MTMR7: variants seen among roughly 807,000 people sequenced by gnomAD.
MTMR7 encodes the protein myotubularin related protein 7, also known as phosphatidylinositol-3-phosphate phosphatase MTMR7.
MTMR7 carries 76 observed loss-of-function variants against 81.2 expected under a neutral mutation model. That is an observed-to-expected ratio of 0.94 (90% CI 0.78 to 1.13). MTMR7 has a LOEUF of 1.13. Among genes scored for constraint, MTMR7 ranks in the 50% most tolerant of loss-of-function variants. The probability of loss-of-function intolerance (pLI) is 0.00; values close to 1 mark genes in which losing one functional copy is unlikely to be tolerated. For missense variants in MTMR7, 1,044 were observed against 820.0 expected, an observed-to-expected ratio of 1.27 and a Z score of -3.34; for synonymous variants, 372 against 289.8, an observed-to-expected ratio of 1.28 and a Z score of -2.88.
intron 2 of MTMR7, chr8:17,372,892 T>G (rs1276285759): frequency 4.3e-6 from 2 of 470,016 alleles, no homozygotes; most frequent in Non-Finnish European, 7.6e-6. Context: ...TGGCTAGTTC[T>G]AAGTCTCTCT....
intron 1 of MTMR7, among the ~76,000 whole-genome samples, chr8:17,409,572 T>C (rs1354309941): frequency 6.6e-6 from 1 of 152,166 alleles, no homozygotes; most frequent in Non-Finnish European, 1.5e-5. Flanking sequence ...CTGTGTTAGG[T>C]GCTATAGATA....
intron 4 of MTMR7, among the ~76,000 whole-genome samples, chr8:17,357,985 A>G (rs1423308075): frequency 1.3e-5 from 2 of 152,204 alleles, no homozygotes. Context: ...AGGAAAAGCA[A>G]TAGGGTATAT....
intron 6 of MTMR7, among the ~76,000 whole-genome samples, chr8:17,340,792 C>A (rs73557520): frequency 6.6e-6 from 1 of 152,192 alleles, no homozygotes; most frequent in Non-Finnish European, 1.5e-5. Context: ...GCAAATCCTA[C>A]TCCCTTCTCC....
Position 17,299,879 on chromosome 8 carries a change from C to T in MTMR7, c.1966G>A (p.Val656Met), listed in dbSNP as rs370812641. 1.2e-5 allele frequency: 20 copies of T among 1,613,894 alleles called. No homozygotes were observed. The highest frequency in any genetic ancestry group is 5.3e-5 in the African/African-American group (4 of 74,906). ...SGKDRDSDEAVFLTA is the reference protein window; with the variant it reads ...SGKDRDSDEAMFLTA ...GGGAAACTTCAGGCAGTGAGAAACA[C>T]GGCTTCATCAGAATCCCGGTCCTTG... Residue 656 changes from valine (V) to methionine (M), a missense_variant, in exon 14 of 14, where the codon GTG (valine) becomes ATG (methionine). Transcript: ENST00000180173.
At chr8:17,336,764 T>C (rs1352196304) in intron 6 of MTMR7, among the ~76,000 whole-genome samples, 1 of 152,140 alleles carries the variant, frequency 6.6e-6, no homozygotes, top group Admixed American at 6.5e-5. Context: ...CCGCTGGCCC[T>C]GGCTGCGTCA....
rs1280324134 is a variant in MTMR7 at position 17,299,129 on chromosome 8, T to A, written c.*733A>T. On this transcript the variant is annotated 3_prime_UTR_variant, in exon 14 of 14. Coordinates refer to ENST00000180173, the MANE Select transcript of MTMR7 (RefSeq NM_004686.5). Reference sequence around the variant, plus strand: ...GAAAGCTGATACTTAAATTCATATGTAAGACCAGGAGAATGAATGTTGCTT... The same window carrying A: ...GAAAGCTGATACTTAAATTCATATGAAAGACCAGGAGAATGAATGTTGCTT... 2.0e-5 allele frequency: 3 copies of A among 152,194 alleles called. No individual in the cohort carries two copies. The highest frequency in any genetic ancestry group is 4.4e-5 in the Non-Finnish European group (3 of 68,038). 9.4% of individuals were successfully genotyped at this position (152,194 alleles called of 1,614,324 possible).
At chr8:17,393,382 T>C (rs959482516) in intron 1 of MTMR7, among the ~76,000 whole-genome samples, 4 of 152,096 alleles carry the variant, frequency 2.6e-5, no homozygotes, top group African/African-American at 9.7e-5. Flanking sequence ...AATAGATAAA[T>C]TGTACTTCAT....
intron 5 of MTMR7, among the ~76,000 whole-genome samples, chr8:17,343,712 T>C (rs1470462013): frequency 6.6e-6 from 1 of 152,246 alleles, no homozygotes; most frequent in Non-Finnish European, 1.5e-5. Flanking sequence ...ACACGCATAT[T>C]AAACAGACTA....
At chr8:17,401,948 A>G (rs1408136207) in intron 1 of MTMR7, among the ~76,000 whole-genome samples, 1 of 152,196 alleles carries the variant, frequency 6.6e-6, no homozygotes, top group African/African-American at 2.4e-5. Context: ...GGAACTATGG[A>G]ATGACAATAC....
At position 17,410,632 on chromosome 8, in the gene MTMR7, C is replaced by T. The variant is rs113986785; in HGVS notation, c.24+2637G>A. On this transcript the variant is annotated intron_variant, in intron 1 of 13. Transcript: ENST00000180173. ...ACCATTCTGGAAGGGAAGCACTCTG[C>T]TTAGCATATGCTCTGTTAAAGGCTT... Among the ~76,000 whole-genome samples, 1,096 of 152,264 alleles carry T rather than the reference C, an allele frequency of 7.2e-3. 20 individuals are homozygous for T. The highest frequency in any genetic ancestry group is 0.025 in the African/African-American group (1,031 of 41,536).
At chr8:17,320,866 G>C (rs1218719815) in intron 7 of MTMR7, among the ~76,000 whole-genome samples, 1 of 152,188 alleles carries the variant, frequency 6.6e-6, no homozygotes, top group Non-Finnish European at 1.5e-5. Context: ...CTGCTGTTTG[G>C]GCTTTCTGTC....
At chr8:17,336,078 C>T (rs975728585) in intron 6 of MTMR7, among the ~76,000 whole-genome samples, 7 of 152,148 alleles carry the variant, frequency 4.6e-5, no homozygotes, top group African/African-American at 1.7e-4. Flanking sequence ...AGTTGGTCAC[C>T]ACTTCCCTCT....
chr8:17,398,424 A>C (rs1241825930), intron 1 of MTMR7, among the ~76,000 whole-genome samples: 1 of 152,194 alleles, frequency 6.6e-6, no homozygotes, highest in Non-Finnish European at 1.5e-5. Context: ...AATGCATCAG[A>C]ATCTCTTAAT....
chr8:17,324,156 A>G (rs565185632), intron 7 of MTMR7, among the ~76,000 whole-genome samples: 2 of 152,290 alleles, frequency 1.3e-5, no homozygotes, highest in South Asian at 4.1e-4. Context: ...TCCTGCCATG[A>G]TTTCTGCTCT....
At chr8:17,403,945 C>A (rs916870521) in intron 1 of MTMR7, among the ~76,000 whole-genome samples, 1 of 152,114 alleles carries the variant, frequency 6.6e-6, no homozygotes, top group Non-Finnish European at 1.5e-5. Context: ...TGACAGAATT[C>A]TTTGTCAGTT....
At chr8:17,366,918 T>C (rs1006927299) in intron 3 of MTMR7, among the ~76,000 whole-genome samples, 2 of 146,332 alleles carry the variant, frequency 1.4e-5, no homozygotes, top group African/African-American at 5.4e-5. Flanking sequence ...AAAAACCATT[T>C]AGAGTGGGGT....
intron 13 of MTMR7, chr8:17,301,769 T>A: frequency 4.4e-6 from 1 of 229,112 alleles, no homozygotes; most frequent in Non-Finnish European, 8.4e-6. Flanking sequence ...TAGATTAATA[T>A]CATAGTTAAC....
chr8:17,371,218 G>A lies in MTMR7; in HGVS notation c.148-19C>T, dbSNP rs1481779425. On this transcript the variant is annotated intron_variant, in intron 2 of 13. Transcript: ENST00000180173. ...GAAGAATCTAGAACCAAATGTTAAT[G>A]TGCATAAGCTAAGCACAAATAACTA... The A allele has an allele frequency of 6.2e-7, 1 of 1,611,916 alleles. No homozygotes were observed.
chr8:17,374,131 G>A (rs558014642), intron 1 of MTMR7, among the ~76,000 whole-genome samples: 96 of 152,302 alleles, frequency 6.3e-4, no homozygotes, highest in African/African-American at 2.1e-3. Flanking sequence ...AAGCCAAAAT[G>A]GTATTTGCTT....
Sources: gnomAD v4.1 joint callset for allele counts (sites outside exome capture counted in the v4.1 genomes callset) on GRCh38, gnomAD v4.1.1 for gene constraint, MANE v1.5 for transcripts, NCBI Gene and HGNC (gene_info 2026-07-23, HGNC 2026-07-21) for gene names.